Variants in KIF13B observed in about 807,000 individuals in gnomAD.
KIF13B encodes kinesin-like protein KIF13B.
Under a neutral mutation model 222.0 loss-of-function variants are expected in KIF13B, and 127 were observed. The observed-to-expected ratio is 0.57, with a 90% CI of 0.50 to 0.66. The LOEUF is 0.66. Among genes scored for constraint, KIF13B ranks in the 30% least tolerant of loss-of-function variants. KIF13B has a pLI of 0.00. For synonymous variants in KIF13B, 976 were observed against 919.0 expected, an observed-to-expected ratio of 1.06 and a Z score of -1.12; for missense variants, 2,173 against 2,379.0, an observed-to-expected ratio of 0.91 and a Z score of 1.80.
chr8:29,173,425 A>T (rs1359878303), intron 10 of KIF13B, among the ~76,000 whole-genome samples: 1 of 151,232 alleles, frequency 6.6e-6, no homozygotes, highest in East Asian at 1.9e-4. Context: ...GTTCAAGACC[A>T]GCCTGGGCAA....
At chr8:29,221,097 C>CTTTTTTTT (rs60915605) in intron 2 of KIF13B, among the ~76,000 whole-genome samples, 4 of 112,758 alleles carry the variant, frequency 3.5e-5, no homozygotes, top group African/African-American at 3.9e-5. Flanking sequence ...GAGCTGTGTT[C>CTTTTTTTT]TTTTTTTTTT....
intron 12 of KIF13B, among the ~76,000 whole-genome samples, chr8:29,164,768 T>C (rs140387405): frequency 5.9e-5 from 9 of 152,246 alleles, no homozygotes; most frequent in African/African-American, 1.9e-4. Flanking sequence ...TGTAAATCTA[T>C]TATTAGGTAG....
At chr8:29,218,082 T>C (rs1337054157) in intron 2 of KIF13B, among the ~76,000 whole-genome samples, 3 of 152,192 alleles carry the variant, frequency 2.0e-5, no homozygotes, top group Non-Finnish European at 1.5e-5. Flanking sequence ...ACTGTGCTTA[T>C]TGGATGGGAT....
At position 29,152,818 on chromosome 8, in the gene KIF13B, T is replaced by C. The variant is rs1022857203; in HGVS notation, c.1536-2435A>G. Among the ~76,000 whole-genome samples, 8 of 152,098 alleles carry C rather than the reference T, an allele frequency of 5.3e-5. No individual in the cohort carries two copies. In the South Asian group the frequency reaches 1.7e-3, roughly 32 times the overall value. ...GTCATGAACTCCTGACCTCAAGTAATCCGCCCACCTCAGCCTCTCAAAGTG... is the reference window on the plus strand; with the variant it reads ...GTCATGAACTCCTGACCTCAAGTAACCCGCCCACCTCAGCCTCTCAAAGTG... On this transcript the variant is annotated intron_variant, in intron 14 of 39. Coordinates refer to ENST00000524189, the MANE Select transcript of KIF13B (RefSeq NM_015254.4).
intron 24 of KIF13B, among the ~76,000 whole-genome samples, 190 bp from the exon 25 acceptor site, chr8:29,127,458 T>A (rs1473973802): frequency 6.6e-6 from 1 of 152,156 alleles, no homozygotes; most frequent in African/African-American, 2.4e-5. Flanking sequence ...TTAAGTGAGC[T>A]AAAAAACAGA....
chr8:29,210,759 T>C (rs1442895275), intron 2 of KIF13B, among the ~76,000 whole-genome samples: 1 of 152,136 alleles, frequency 6.6e-6, no homozygotes, highest in Non-Finnish European at 1.5e-5. Context: ...GAATGAGAAA[T>C]ACCAAAGAAG....
At chr8:29,132,925 A>T (rs968098667) in intron 22 of KIF13B, among the ~76,000 whole-genome samples, 15 of 152,212 alleles carry the variant, frequency 9.9e-5, no homozygotes, top group African/African-American at 3.4e-4. Context: ...CCAAAAAAAG[A>T]TCTAATTTGT....
chr8:29,253,517 C>T (rs1398015091), intron 1 of KIF13B, among the ~76,000 whole-genome samples: 1 of 152,106 alleles, frequency 6.6e-6, no homozygotes, highest in Non-Finnish European at 1.5e-5. Context: ...GATCACACCA[C>T]TGCACTTCAG....
Position 29,155,813 on chromosome 8 carries a change from A to T in KIF13B, c.1448T>A (p.Leu483Gln). The T allele has an allele frequency of 3.8e-6, 6 of 1,590,736 alleles. No individual in the cohort carries two copies. Among genetic ancestry groups the T allele is most frequent in the Non-Finnish European group, 5.1e-6 (6 of 1,167,104 alleles). Residue 483 changes from leucine to glutamine, a missense_variant, in exon 14 of 40, where the codon CTG becomes CAG. By Grantham distance (113) the Leu-to-Gln change is moderately radical. Coordinates refer to ENST00000524189, the MANE Select transcript of KIF13B (RefSeq NM_015254.4). ...TTCAGGAAGAATTCCCATGCCGCAC[A>T]GTTGGATATCTTGGGAATTTGCTGA... is the stretch of plus-strand genomic sequence containing the variant. ...IGSANSQDIQ[L>Q]CGMGILPEHC...
Position 29,161,654 on chromosome 8 carries a change from C to T in KIF13B, c.1270-787G>A, listed in dbSNP as rs1258025337. Among the ~76,000 whole-genome samples, 2 of 151,862 alleles carry T rather than the reference C, an allele frequency of 1.3e-5. 1 individual carries two copies. Among genetic ancestry groups the T allele is most frequent in the South Asian group, 4.2e-4 (2 of 4,806 alleles). ...GAGGTTGTGGTGAGCCGAGATCATG[C>T]CATTGTACTCCAGCCTGGGCGACAG... On this transcript the variant is annotated intron_variant, in intron 12 of 39. Coordinates refer to ENST00000524189, the MANE Select transcript of KIF13B (RefSeq NM_015254.4).
At chr8:29,247,863 A>G (rs996549957) in intron 1 of KIF13B, among the ~76,000 whole-genome samples, 5 of 151,632 alleles carry the variant, frequency 3.3e-5, no homozygotes, top group African/African-American at 4.8e-5. Context: ...AAAAAGACAA[A>G]TAATCAAATT....
At chr8:29,150,133 G>A (rs1586846008) in intron 15 of KIF13B, among the ~76,000 whole-genome samples, 164 bp downstream of exon 15, 1 of 152,198 alleles carries the variant, frequency 6.6e-6, no homozygotes, top group East Asian at 1.9e-4. Context: ...ACCATATACA[G>A]TGAATGAACA....
At chr8:29,124,827 G>A (rs146399558) in intron 26 of KIF13B, among the ~76,000 whole-genome samples, 4,523 of 151,122 alleles carry the variant, frequency 0.03, 234 homozygotes, top group African/African-American at 0.11. Context: ...AGGTTGCAAT[G>A]AGCCGAGACT....
chr8:29,263,263 G>A (rs1437279442), upstream of KIF13B: 3 of 536,210 alleles, frequency 5.6e-6, no homozygotes, highest in Non-Finnish European at 9.7e-6. Flanking sequence ...ATGCTCGGGC[G>A]CGAGTCGTTT....
intron 2 of KIF13B, among the ~76,000 whole-genome samples, chr8:29,229,088 T>TAAAAAAAAAAAAAAAAAAAAAAC (rs1815168341): frequency 1.1e-5 from 1 of 94,692 alleles, no homozygotes; most frequent in Non-Finnish European, 2.0e-5. Context: ...ATGTCAGCTT[T>TAAAAAAAAAAAAAAAAAAAAAAC]AAAAAAAAAA....
intron 23 of KIF13B, 33 bp downstream of exon 23, chr8:29,132,275 A>G: frequency 7.2e-7 from 1 of 1,391,246 alleles, no homozygotes. Flanking sequence ...TTACATATAT[A>G]TAAATGGAAT....
rs569777960 is a variant in KIF13B at position 29,207,969 on chromosome 8, G to C, written c.150-11770C>G. ...AGGAGAGCCCTGAAGTGTTCATTTC[G>C]ATATTTCCTGAGAGGCTGCAGAACA... On this transcript the variant is annotated intron_variant, in intron 2 of 39. Transcript: ENST00000524189. Among the ~76,000 whole-genome samples, 20 of 152,268 alleles carry C rather than the reference G, an allele frequency of 1.3e-4. No individual in the cohort carries two copies. The South Asian group carries it at 4.1e-3, about 32-fold the overall frequency.
At position 29,146,553 on chromosome 8, in the gene KIF13B, A is replaced by G; in HGVS notation, c.2025-13T>C. 1 of 1,609,616 alleles carries G rather than the reference A, an allele frequency of 6.2e-7. No homozygotes were observed. The highest frequency in any genetic ancestry group is 8.5e-7 in the Non-Finnish European group (1 of 1,178,224). ...CAACGTTGCTTCTCTAAAAAAAAATAAAGAAGCGGCAGAGGTAGGGAAGAG... is the reference window on the plus strand; with the variant it reads ...CAACGTTGCTTCTCTAAAAAAAAATGAAGAAGCGGCAGAGGTAGGGAAGAG... On this transcript the variant is annotated splice_polypyrimidine_tract_variant and intron_variant, in intron 17 of 39. Coordinates refer to ENST00000524189, the MANE Select transcript of KIF13B (RefSeq NM_015254.4).
At position 29,147,385 on chromosome 8, in the gene KIF13B, C is replaced by A. The variant is rs756554484; in HGVS notation, c.2024+7G>T. The A allele has an allele frequency of 1.3e-6, 2 of 1,592,772 alleles. No homozygotes were observed. Among genetic ancestry groups the A allele is most frequent in the East Asian group, 4.5e-5 (2 of 44,100 alleles). On this transcript the variant is annotated splice_region_variant and intron_variant, in intron 17 of 39. Coordinates refer to ENST00000524189, the MANE Select transcript of KIF13B (RefSeq NM_015254.4). ...ATAAAGTTAACAGGCCCCTCTGTGC[C>A]GCCTACCTCTCCTCAGCCCACTGTC...
Sources: gnomAD v4.1 joint callset for allele counts (sites outside exome capture counted in the v4.1 genomes callset) on GRCh38, gnomAD v4.1.1 for gene constraint, MANE v1.5 for transcripts, NCBI Gene and HGNC (gene_info 2026-07-23, HGNC 2026-07-21) for gene names.